NT5DC1: variants seen among roughly 807,000 people sequenced by gnomAD.
NT5DC1 encodes the protein 5'-nucleotidase domain containing 1, also known as 5'-nucleotidase domain-containing protein 1.
A neutral mutation model predicts 59.4 loss-of-function variants in NT5DC1; 42 were observed. The observed-to-expected ratio is 0.71, with a 90% CI of 0.55 to 0.92. The LOEUF (loss-of-function observed/expected upper bound fraction) is 0.92, where lower values mean the gene tolerates loss of function less well. Among genes scored for constraint, NT5DC1 ranks in the 40% least tolerant of loss-of-function variants. NT5DC1 has a pLI of 0.00. For missense variants in NT5DC1, 501 were observed against 537.1 expected (o/e 0.93, Z 0.66); for synonymous variants, 172 against 188.1 (o/e 0.91, Z 0.70).
At chr6:116,223,205 T>TTGCATGCAACACA in intron 8 of NT5DC1, 74 bp downstream of exon 8, 1 of 719,940 alleles carries the variant, frequency 1.4e-6, no homozygotes, top group Non-Finnish European at 2.4e-6. Flanking sequence ...CTGTGTTGCA[T>TTGCATGCAACACA]GCAATGCCAT....
chr6:116,237,755 G>A (rs1418083489), intron 9 of NT5DC1: 1 of 273,746 alleles, frequency 3.7e-6, no homozygotes, highest in South Asian at 4.0e-5. Context: ...CCAGTCTGGG[G>A]TTGGGCCCAG....
intron 6 of NT5DC1, among the ~76,000 whole-genome samples, chr6:116,198,707 C>T (rs1781285453): frequency 6.6e-6 from 1 of 151,840 alleles, no homozygotes; most frequent in South Asian, 2.1e-4. Flanking sequence ...CCAGCCTGGG[C>T]AACAGGGGAA....
chr6:116,147,782 A>G (rs1481680738), intron 6 of NT5DC1, among the ~76,000 whole-genome samples: 1 of 152,210 alleles, frequency 6.6e-6, no homozygotes, highest in East Asian at 1.9e-4. Flanking sequence ...TGATGTATAT[A>G]CAGGGTTATT....
intron 8 of NT5DC1, among the ~76,000 whole-genome samples, chr6:116,236,556 TA>T (rs1022378975): frequency 6.6e-6 from 1 of 152,232 alleles, no homozygotes; most frequent in African/African-American, 2.4e-5. Flanking sequence ...GATAGACTAC[TA>T]ATTAAAAACT....
intron 6 of NT5DC1, among the ~76,000 whole-genome samples, chr6:116,177,457 G>A (rs558282575): frequency 1.3e-5 from 2 of 152,218 alleles, no homozygotes; most frequent in South Asian, 4.1e-4. Flanking sequence ...ATGGGTAAAA[G>A]TATATTCATG....
intron 6 of NT5DC1, among the ~76,000 whole-genome samples, chr6:116,133,730 T>G (rs1230192575): frequency 6.6e-6 from 1 of 152,168 alleles, no homozygotes; most frequent in Non-Finnish European, 1.5e-5. Flanking sequence ...AGATGCTAAG[T>G]GAGTCTTCCT....
At chr6:116,139,295 TTC>T (rs1562134434) in intron 6 of NT5DC1, among the ~76,000 whole-genome samples, 1 of 152,128 alleles carries the variant, frequency 6.6e-6, no homozygotes, top group Non-Finnish European at 1.5e-5. Context: ...AAAGAATAAA[TTC>T]TGTGTTATTT....
At chr6:116,159,951 C>T (rs1286260596) in intron 6 of NT5DC1, among the ~76,000 whole-genome samples, 1 of 152,136 alleles carries the variant, frequency 6.6e-6, no homozygotes, top group Admixed American at 6.6e-5. Flanking sequence ...AATTTCATTA[C>T]TTTTTATGGC....
At chr6:116,162,809 T>C (rs1047593106) in intron 6 of NT5DC1, among the ~76,000 whole-genome samples, 4 of 152,002 alleles carry the variant, frequency 2.6e-5, no homozygotes, top group Non-Finnish European at 4.4e-5. Flanking sequence ...TAGGAGGAAT[T>C]CCTCCTCCTC....
intron 9 of NT5DC1, 90 bp from the exon 10 acceptor site, chr6:116,238,097 C>G: frequency 3.5e-6 from 3 of 855,810 alleles, no homozygotes; most frequent in Non-Finnish European, 5.4e-6. Context: ...TACTCTGATG[C>G]CTGTTGAGAA....
intron 6 of NT5DC1, among the ~76,000 whole-genome samples, chr6:116,208,989 T>C (rs991565713): frequency 6.6e-6 from 1 of 152,026 alleles, no homozygotes; most frequent in Non-Finnish European, 1.5e-5. Context: ...TTTCATTAGT[T>C]TGATCACAAA....
At chr6:116,172,414 C>T (rs914501086) in intron 6 of NT5DC1, among the ~76,000 whole-genome samples, 3 of 151,072 alleles carry the variant, frequency 2.0e-5, no homozygotes, top group Non-Finnish European at 2.9e-5. Context: ...CTCTACCTCC[C>T]GGGTTCAGGC....
At chr6:116,102,874 G>A (rs1259036637) in intron 1 of NT5DC1, among the ~76,000 whole-genome samples, 2 of 152,194 alleles carry the variant, frequency 1.3e-5, no homozygotes, top group African/African-American at 4.8e-5. Context: ...TATGACCTGG[G>A]TCTTGCTTCA....
chr6:116,177,682 A>G (rs948940469), intron 6 of NT5DC1, among the ~76,000 whole-genome samples: 13 of 152,210 alleles, frequency 8.5e-5, no homozygotes, highest in Admixed American at 3.3e-4. Flanking sequence ...GAGATAATGT[A>G]TCAAAATACC....
chr6:116,237,662 C>G, intron 9 of NT5DC1: 1 of 351,198 alleles, frequency 2.8e-6, no homozygotes. Flanking sequence ...TCAATGGAGT[C>G]CTCAGACTCC....
chr6:116,111,418 A>G (rs1778872851), intron 4 of NT5DC1, among the ~76,000 whole-genome samples: 1 of 152,134 alleles, frequency 6.6e-6, no homozygotes, highest in African/African-American at 2.4e-5. Context: ...GATTTTAACT[A>G]TTTTTATTTT....
chr6:116,125,242 A>G, intron 6 of NT5DC1: 1 of 1,402,428 alleles, frequency 7.1e-7, no homozygotes, highest in South Asian at 1.3e-5. Flanking sequence ...GTTGGAAAGT[A>G]ACACCAAAGT....
At chr6:116,132,943 G>A (rs1779505640) in intron 6 of NT5DC1, among the ~76,000 whole-genome samples, 1 of 152,112 alleles carries the variant, frequency 6.6e-6, no homozygotes, top group African/African-American at 2.4e-5. Context: ...ATAGTCTAAT[G>A]TGCTTTAGTG....
At chr6:116,208,268 AT>A (rs1389454537) in intron 6 of NT5DC1, among the ~76,000 whole-genome samples, 1 of 151,902 alleles carries the variant, frequency 6.6e-6, no homozygotes, top group Non-Finnish European at 1.5e-5. Flanking sequence ...AGTTCTCCTA[AT>A]TTTTTCCAGC....
Sources: allele counts gnomAD v4.1 joint callset (sites outside exome capture counted in the v4.1 genomes callset), GRCh38; gene constraint gnomAD v4.1.1; transcripts MANE v1.5; gene names NCBI Gene and HGNC (gene_info 2026-07-23, HGNC 2026-07-21).